Variants in CNTN5 observed in about 807,000 individuals in gnomAD.
The protein encoded by CNTN5 is contactin 5, also known as contactin-5.
A neutral mutation model predicts 129.1 loss-of-function variants in CNTN5; 77 were observed. That is an observed-to-expected ratio of 0.60 (90% CI 0.50 to 0.72). CNTN5 has a LOEUF of 0.72. CNTN5 is among the 30% of genes least tolerant of loss of function. The pLI is 0.00. For missense variants in CNTN5, 1,478 were observed against 1,328.8 expected (o/e 1.11, Z -1.75); for synonymous variants, 509 against 465.6 (o/e 1.09, Z -1.20).
intron 13 of CNTN5, among the ~76,000 whole-genome samples, chr11:100,084,316 G>A (rs1328165460): frequency 2.0e-5 from 3 of 152,020 alleles, no homozygotes; most frequent in East Asian, 3.9e-4. Flanking sequence ...CTAAGTATAT[G>A]CTCCTAACTG....
intron 9 of CNTN5, among the ~76,000 whole-genome samples, chr11:100,043,700 T>C (rs1371396093): frequency 1.3e-5 from 2 of 152,108 alleles, no homozygotes; most frequent in African/African-American, 2.4e-5. Flanking sequence ...AAAAATTGCC[T>C]TCATCCTTCA....
chr11:100,320,746 T>A (rs2138959568), intron 21 of CNTN5, among the ~76,000 whole-genome samples: 1 of 152,292 alleles, frequency 6.6e-6, no homozygotes, highest in South Asian at 2.1e-4. Context: ...TGGTGGAAGC[T>A]GAAGGTCTAA....
intron 7 of CNTN5, among the ~76,000 whole-genome samples, chr11:99,944,190 A>G (rs1231462274): frequency 6.6e-6 from 1 of 152,016 alleles, no homozygotes; most frequent in Admixed American, 6.6e-5. Context: ...TTAAGAGGGA[A>G]ATTTATAGCA....
rs12270615 is a variant in CNTN5, at chr11:100,219,480, A to T, written c.1885-5212A>T. ...CCTTGGAAGCACTAGATTAATACAG[A>T]AATGCTACCAGCCCTTTTGCATTAC... On this transcript the variant is annotated intron_variant, in intron 15 of 24. Transcript: ENST00000524871. Among the ~76,000 whole-genome samples the T allele has an allele frequency of 5.5e-3, 833 of 152,300 alleles. 7 individuals are homozygous for T. Among genetic ancestry groups the T allele is most frequent in the African/African-American group, 0.018 (768 of 41,574 alleles).
intron 3 of CNTN5, among the ~76,000 whole-genome samples, chr11:99,629,925 T>C (rs1951277451): frequency 6.6e-6 from 1 of 151,814 alleles, no homozygotes; most frequent in Non-Finnish European, 1.5e-5. Flanking sequence ...AAAATATTTA[T>C]GCTCAGATTA....
At chr11:99,320,300 T>C in intron 1 of CNTN5, among the ~76,000 whole-genome samples, 1 of 152,140 alleles carries the variant, frequency 6.6e-6, no homozygotes, top group East Asian at 1.9e-4. Context: ...AGGAAGATGA[T>C]GAAAGTATTG....
chr11:99,126,138 T>G lies in CNTN5; in HGVS notation c.-210+104868T>G, dbSNP rs538551929. Among the ~76,000 whole-genome samples the G allele has an allele frequency of 1.2e-4, 19 of 152,296 alleles. No homozygotes were observed. The South Asian group carries it at 3.9e-3, about 32-fold the overall frequency. ...TTAAATCTGTTTTTAATTATTGGCT[T>G]TTTATTAGGCAATTTTATTAACAGA... On this transcript the variant is annotated intron_variant, in intron 1 of 24. Transcript: ENST00000524871.
intron 2 of CNTN5, among the ~76,000 whole-genome samples, chr11:99,380,768 C>CAA (rs769229566): frequency 0.39 from 39,664 of 101,604 alleles, 8,050 homozygotes; most frequent in African/African-American, 0.48. Flanking sequence ...AACTCTATCT[C>CAA]AAAAAAAAAA....
chr11:99,042,768 C>G (rs1431617563), intron 1 of CNTN5, among the ~76,000 whole-genome samples: 1 of 151,916 alleles, frequency 6.6e-6, no homozygotes, highest in East Asian at 1.9e-4. Flanking sequence ...TCGATAAATA[C>G]TTATTGAATG....
intron 3 of CNTN5, among the ~76,000 whole-genome samples, chr11:99,799,741 T>C (rs1459967618): frequency 1.3e-5 from 2 of 151,982 alleles, no homozygotes; most frequent in Non-Finnish European, 2.9e-5. Flanking sequence ...TTTGGTAACT[T>C]GGGTTGATGC....
chr11:99,429,434 CAG>C (rs2135095939), intron 2 of CNTN5, among the ~76,000 whole-genome samples: 1 of 152,136 alleles, frequency 6.6e-6, no homozygotes, highest in South Asian at 2.1e-4. Flanking sequence ...AGGCAATTGT[CAG>C]AGAGCCCTAA....
intron 18 of CNTN5, among the ~76,000 whole-genome samples, chr11:100,281,814 C>T (rs892708654): frequency 2.6e-5 from 4 of 151,896 alleles, no homozygotes; most frequent in Non-Finnish European, 4.4e-5. Context: ...TTTCAAATAG[C>T]CTATCTTAAA....
intron 3 of CNTN5, among the ~76,000 whole-genome samples, chr11:99,623,947 T>C (rs183330144): frequency 2.6e-5 from 4 of 152,276 alleles, no homozygotes; most frequent in Admixed American, 2.0e-4. Context: ...CAGAAACTTG[T>C]AAATTAAGGG....
chr11:99,478,638 G>T (rs1351537632), intron 2 of CNTN5, among the ~76,000 whole-genome samples: 2 of 151,872 alleles, frequency 1.3e-5, no homozygotes, highest in Non-Finnish European at 1.5e-5. Context: ...CAACAATGTG[G>T]ATATATGGAT....
At chr11:99,933,418 A>G (rs1208678389) in intron 7 of CNTN5, among the ~76,000 whole-genome samples, 1 of 152,178 alleles carries the variant, frequency 6.6e-6, no homozygotes, top group Non-Finnish European at 1.5e-5. Flanking sequence ...AGATAAAAGA[A>G]GTCATGTAAC....
At chr11:99,881,890 C>G (rs922572151) in intron 6 of CNTN5, among the ~76,000 whole-genome samples, 1 of 152,186 alleles carries the variant, frequency 6.6e-6, no homozygotes, top group Non-Finnish European at 1.5e-5. Flanking sequence ...GTAAGTTACT[C>G]CTATCTCATC....
chr11:100,059,026 C>T (rs2137793401), intron 9 of CNTN5, among the ~76,000 whole-genome samples: 1 of 152,210 alleles, frequency 6.6e-6, no homozygotes, highest in African/African-American at 2.4e-5. Flanking sequence ...AAAAAGTCGA[C>T]TGGGTCCAAA....
At chr11:100,128,809 A>G (rs951570316) in intron 13 of CNTN5, among the ~76,000 whole-genome samples, 12 of 151,442 alleles carry the variant, frequency 7.9e-5, no homozygotes, top group African/African-American at 2.9e-4. Context: ...ACCCACTCCT[A>G]TGCCACCCCC....
intron 1 of CNTN5, among the ~76,000 whole-genome samples, chr11:99,144,698 C>T (rs1049733853): frequency 1.3e-5 from 2 of 151,818 alleles, no homozygotes; most frequent in Admixed American, 6.6e-5. Flanking sequence ...GATTAATATA[C>T]TTTATTGTTG....
Sources: allele counts gnomAD v4.1 joint callset (sites outside exome capture counted in the v4.1 genomes callset), GRCh38; gene constraint gnomAD v4.1.1; transcripts MANE v1.5; gene names NCBI Gene and HGNC (gene_info 2026-07-23, HGNC 2026-07-21).